The following AP4M1 variants were observed in gnomAD, a reference collection of about 807,000 sequenced individuals.
AP4M1 encodes AP-4 complex subunit mu-1.
In AP4M1, 58 loss-of-function variants were observed where a neutral mutation model predicts 62.4. That is an observed-to-expected ratio of 0.93 (90% CI 0.75 to 1.16). The LOEUF is 1.16. Among genes scored for constraint, AP4M1 ranks in the 50% most tolerant of loss-of-function variants. The pLI is 0.00. For synonymous variants in AP4M1, 290 were observed against 239.7 expected, an observed-to-expected ratio of 1.21 and a Z score of -1.94; for missense variants, 626 against 585.4, an observed-to-expected ratio of 1.07 and a Z score of -0.72.
intron 12 of AP4M1, 58 bp from the exon 13 acceptor site, chr7:100,106,183 G>C: frequency 6.3e-7 from 1 of 1,596,330 alleles, no homozygotes; most frequent in South Asian, 1.1e-5. Context: ...CATTGAAGAG[G>C]AACAGGACAA....
At chr7:100,101,802 G>A (rs1796058805) in intron 1 of AP4M1, 30 bp downstream of exon 1, 1 of 1,611,468 alleles carries the variant, frequency 6.2e-7, no homozygotes, top group East Asian at 2.2e-5. Flanking sequence ...CTGGGAAGGG[G>A]CGGAGGGGCC....
intron 7 of AP4M1, 119 bp downstream of exon 7, chr7:100,104,273 T>C: frequency 1.1e-6 from 1 of 881,394 alleles, no homozygotes; most frequent in Non-Finnish European, 1.9e-6. Context: ...ATCCCAGTGC[T>C]TTGGGAGGCC....
At chr7:100,102,067 G>T (rs1176541277) in intron 2 of AP4M1, 99 bp downstream of exon 2, 5 of 1,344,846 alleles carry the variant, frequency 3.7e-6, no homozygotes, top group Admixed American at 3.8e-5. Context: ...TTCCACTTGG[G>T]GGGTGCATTC....
chr7:100,103,232 T>C, intron 4 of AP4M1, 177 bp from the exon 5 acceptor site: 2 of 702,086 alleles, frequency 2.8e-6, no homozygotes, highest in Non-Finnish European at 5.1e-6. Flanking sequence ...TTGTAGAGAC[T>C]AGAGTCTCAC....
At position 100,106,421 on chromosome 7, in the gene AP4M1, C is replaced by T. The variant is rs746663793; in HGVS notation, c.1044C>T (p.Ser348=). 6.8e-6 allele frequency: 11 copies of T among 1,613,658 alleles called. No individual in the cohort carries two copies. The East Asian group carries it at 2.5e-4, about 36-fold the overall frequency. Residue 348 remains serine (S), a synonymous_variant, in exon 14 of 15, where the codon AGC becomes AGT. Transcript: ENST00000359593. ...RGVVSLSQEL[S]SPEQKAELAE... is the part of the protein sequence containing the mutation. ...ACTCCAGCCTGTCTCAGGAGCTGAG[C>T]AGCCCAGAGCAGAAGGCTGAGCTGG...
In AP4M1 at chr7:100,106,687, C is replaced by T. The variant is rs1796531966; in HGVS notation, c.1167C>T (p.Pro389=). 17 of 1,613,640 alleles carry T rather than the reference C, an allele frequency of 1.1e-5. No individual in the cohort carries two copies. The highest frequency in any genetic ancestry group is 1.4e-5 in the Non-Finnish European group (17 of 1,180,030). ...QMDVPGPPGP[P]SHGLSTSASP... ...ACGTCCCAGGGCCCCCAGGACCTCC[C>T]AGCCATGGGCTCTCCACCTCGGCCT... Residue 389 remains proline (P), a synonymous_variant, in exon 15 of 15, where the codon CCC becomes CCT. Coordinates refer to ENST00000359593, the MANE Select transcript of AP4M1 (RefSeq NM_004722.4).
Position 100,107,444 on chromosome 7 carries a change from G to A in AP4M1, c.*562G>A, listed in dbSNP as rs1321386117. The A allele has an allele frequency of 6.2e-7, 1 of 1,612,622 alleles. No individual in the cohort carries two copies. Among genetic ancestry groups the A allele is most frequent in the Non-Finnish European group, 8.5e-7 (1 of 1,178,982 alleles). On this transcript the variant is annotated 3_prime_UTR_variant, in exon 15 of 15. Coordinates refer to ENST00000359593, the MANE Select transcript of AP4M1 (RefSeq NM_004722.4). ...GGCCTCCTTTGCCCTCCCCTGTTGG[G>A]GGAAGTGAGACCACGATGTACTTCT...
intron 14 of AP4M1, 65 bp downstream of exon 14, chr7:100,106,579 C>CCCCAG: frequency 1.9e-6 from 3 of 1,556,374 alleles, no homozygotes; most frequent in Middle Eastern, 1.7e-4. Flanking sequence ...CCCCACCCTC[C>CCCCAG]CGAAGCAGCT....
At chr7:100,102,570 G>A in intron 2 of AP4M1, 105 bp from the exon 3 acceptor site, 1 of 952,884 alleles carries the variant, frequency 1.0e-6, no homozygotes, top group East Asian at 2.5e-5. Flanking sequence ...AGGCACTGCT[G>A]TTGTGACTAG....
In AP4M1 at chr7:100,107,647, C is replaced by T. The variant is rs370784606; in HGVS notation, c.*765C>T. ...ACCTGGATAGAAAGGAAAGGCAGGC[C>T]GCTTGCCCTGTGCCCTCCCTGCCCC... On this transcript the variant is annotated 3_prime_UTR_variant, in exon 15 of 15. Coordinates refer to ENST00000359593, the MANE Select transcript of AP4M1 (RefSeq NM_004722.4). The T allele has an allele frequency of 1.5e-5, 24 of 1,605,360 alleles. No individual in the cohort carries two copies. The highest frequency in any genetic ancestry group is 1.3e-4 in the African/African-American group (10 of 74,616).
chr7:100,101,546 A>ATCTGCGGGCGTCGGAAGGGT, upstream of AP4M1: 4 of 803,288 alleles, frequency 5.0e-6, no homozygotes, highest in Non-Finnish European at 8.4e-6. Context: ...GTCGGAAGGG[A>ATCTGCGGGCGTCGGAAGGGT]ATCTCCGGGC....
upstream of AP4M1, among the ~76,000 whole-genome samples, chr7:100,101,032 G>A (rs1211684179): frequency 6.6e-6 from 1 of 152,010 alleles, no homozygotes; most frequent in Non-Finnish European, 1.5e-5. Flanking sequence ...CCAACCCCAC[G>A]ACCCTAACAC....
chr7:100,101,402 C>T, upstream of AP4M1: 1 of 1,476,364 alleles, frequency 6.8e-7, no homozygotes, highest in Non-Finnish European at 9.4e-7. Context: ...GAAATTGGCG[C>T]GAAACGTCGC....
Position 100,102,700 on chromosome 7 carries a change from A to G in AP4M1, c.173A>G (p.His58Arg), listed in dbSNP as rs777392432. 3.1e-6 allele frequency: 5 copies of G among 1,613,968 alleles called. No homozygotes were observed. Among genetic ancestry groups the G allele is most frequent in the South Asian group, 1.1e-5 (1 of 91,074 alleles). The part of the protein sequence containing the change: ...VMHHHGRHFI[H>R]IRHSGLYLVV... ...CATCACCATGGCCGTCATTTCATTC[A>G]CATCAGACACAGCGGCCTCTATTTG... Residue 58 changes from histidine (H) to arginine (R), a missense_variant, in exon 3 of 15, where the codon CAC becomes CGC. Physicochemically the swap from His to Arg is conservative, Grantham distance 29. Transcript: ENST00000359593.
intron 7 of AP4M1, 59 bp from the exon 8 acceptor site, chr7:100,104,814 GA>G: frequency 1.3e-6 from 2 of 1,596,676 alleles, no homozygotes; most frequent in Non-Finnish European, 1.7e-6. Context: ...GCGACAGAGC[GA>G]GACCGTCTCA....
chr7:100,108,696 G>C lies in AP4M1; in HGVS notation c.*1814G>C. 3 of 714,344 alleles carry C rather than the reference G, an allele frequency of 4.2e-6. No individual in the cohort carries two copies. In the Admixed American group the frequency reaches 8.6e-5, roughly 21 times the overall value. The allele number at this position is 714,344 out of a possible 1,614,324, so 44.3% of individuals were successfully genotyped here. Reference sequence around the variant, plus strand: ...CCCCTGTTGAAGGCCAAATTATGCTGAACTATTAGTGTGTGTACAGAACAC... The same window carrying C: ...CCCCTGTTGAAGGCCAAATTATGCTCAACTATTAGTGTGTGTACAGAACAC... On this transcript the variant is annotated 3_prime_UTR_variant, in exon 15 of 15. Coordinates refer to ENST00000359593, the MANE Select transcript of AP4M1 (RefSeq NM_004722.4).
At chr7:100,103,169 T>TTC in intron 4 of AP4M1, 1 of 649,644 alleles carries the variant, frequency 1.5e-6, no homozygotes. Context: ...ACTCCTGGGC[T>TTC]CAAGCCGTCC....
chr7:100,108,581 G>T lies in AP4M1; in HGVS notation c.*1699G>T. ...AAAGCCAGGTAGAGGGAGGGCTGGG[G>T]AAAAAAGCCAGGTAGAGGGAGGGCT... On this transcript the variant is annotated 3_prime_UTR_variant, in exon 15 of 15. Coordinates refer to ENST00000359593, the MANE Select transcript of AP4M1 (RefSeq NM_004722.4). 1 of 1,558,806 alleles carries T rather than the reference G, an allele frequency of 6.4e-7. No homozygotes were observed. The highest frequency in any genetic ancestry group is 8.7e-7 in the Non-Finnish European group (1 of 1,149,942).
chr7:100,101,169 C>T, upstream of AP4M1: 1 of 1,524,930 alleles, frequency 6.6e-7, no homozygotes, highest in Non-Finnish European at 9.0e-7. Context: ...CCAGAACCCG[C>T]CGACCCCGGT....
Sources: gnomAD v4.1 joint callset for allele counts (sites outside exome capture counted in the v4.1 genomes callset) on GRCh38, gnomAD v4.1.1 for gene constraint, MANE v1.5 for transcripts, NCBI Gene and HGNC (gene_info 2026-07-23, HGNC 2026-07-21) for gene names.